The following GPATCH2 variants were observed in gnomAD, a reference collection of about 807,000 sequenced individuals.
GPATCH2 encodes G patch domain-containing protein 2.
GPATCH2 carries 51 observed loss-of-function variants against 58.0 expected under a neutral mutation model. The ratio of observed to expected loss-of-function variants is 0.88; its 90% confidence interval spans 0.70 to 1.11. The LOEUF (loss-of-function observed/expected upper bound fraction) is 1.11, where lower values mean the gene tolerates loss of function less well. GPATCH2 is among the 50% of genes most tolerant of loss of function. The pLI, the probability that GPATCH2 is intolerant of heterozygous loss-of-function variation, is 0.00. For synonymous variants in GPATCH2, 222 were observed against 218.5 expected, an observed-to-expected ratio of 1.02 and a Z score of -0.14; for missense variants, 625 against 652.2, an observed-to-expected ratio of 0.96 and a Z score of 0.45.
chr1:217,466,933 G>C (rs1028573080), intron 8 of GPATCH2, among the ~76,000 whole-genome samples: 1 of 152,184 alleles, frequency 6.6e-6, no homozygotes, highest in Non-Finnish European at 1.5e-5. Context: ...AGCACTTTGC[G>C]AGGCTGAGGC....
At chr1:217,546,420 C>G (rs1305250427) in intron 5 of GPATCH2, among the ~76,000 whole-genome samples, 2 of 152,090 alleles carry the variant, frequency 1.3e-5, no homozygotes, top group African/African-American at 2.4e-5. Context: ...GACACATAGG[C>G]CAATGGAATA....
At chr1:217,558,930 G>A (rs1320229038) in intron 5 of GPATCH2, among the ~76,000 whole-genome samples, 4 of 151,906 alleles carry the variant, frequency 2.6e-5, no homozygotes, top group Non-Finnish European at 2.9e-5. Context: ...AAATCAAGTG[G>A]GTCTACCATA....
intron 8 of GPATCH2, among the ~76,000 whole-genome samples, chr1:217,466,497 T>C (rs952900616): frequency 1.3e-5 from 2 of 152,072 alleles, no homozygotes; most frequent in Non-Finnish European, 2.9e-5. Flanking sequence ...AGTGCCGGGA[T>C]TACAGTCATG....
At chr1:217,462,512 AC>A (rs200153481) in intron 8 of GPATCH2, among the ~76,000 whole-genome samples, 1,923 of 152,118 alleles carry the variant, frequency 0.013, 39 homozygotes, top group African/African-American at 0.043. Context: ...AGACTAAAAA[AC>A]AAAAAAAAGA....
At chr1:217,498,173 A>G (rs1662103675) in intron 7 of GPATCH2, 183 bp downstream of exon 7, 1 of 703,596 alleles carries the variant, frequency 1.4e-6, no homozygotes, top group South Asian at 1.6e-5. Flanking sequence ...GAAAACTCTC[A>G]TGCTGATTAA....
At chr1:217,523,032 T>A (rs1333568058) in intron 5 of GPATCH2, among the ~76,000 whole-genome samples, 4 of 151,826 alleles carry the variant, frequency 2.6e-5, no homozygotes, top group African/African-American at 4.9e-5. Flanking sequence ...ATTAAAAAAA[T>A]TTCTATATTA....
At chr1:217,614,690 T>G (rs146144711) in intron 2 of GPATCH2, among the ~76,000 whole-genome samples, 228 of 150,712 alleles carry the variant, frequency 1.5e-3, no homozygotes, top group African/African-American at 5.0e-3. Flanking sequence ...ACTTAAGAAT[T>G]CACAACAACT....
intron 7 of GPATCH2, among the ~76,000 whole-genome samples, chr1:217,494,715 G>C (rs1005805044): frequency 1.3e-5 from 2 of 151,836 alleles, no homozygotes; most frequent in Non-Finnish European, 2.9e-5. Context: ...CTGCACTCCA[G>C]CCTGGATGAA....
chr1:217,540,478 T>C (rs1328856519), intron 5 of GPATCH2, among the ~76,000 whole-genome samples: 4 of 152,232 alleles, frequency 2.6e-5, no homozygotes, highest in African/African-American at 9.6e-5. Context: ...ATAGCAGTAA[T>C]AAACAATAGT....
chr1:217,580,403 A>T (rs1414292199), intron 5 of GPATCH2, among the ~76,000 whole-genome samples: 1 of 152,186 alleles, frequency 6.6e-6, no homozygotes, highest in Non-Finnish European at 1.5e-5. Context: ...TTCAACTTAC[A>T]AATCAATAAA....
intron 2 of GPATCH2, among the ~76,000 whole-genome samples, chr1:217,618,223 T>C (rs1271066964): frequency 3.0e-5 from 2 of 66,018 alleles, no homozygotes; most frequent in African/African-American, 9.8e-5. Context: ...TCTGGAAACT[T>C]TTTTTTTTTT....
intron 8 of GPATCH2, among the ~76,000 whole-genome samples, chr1:217,452,284 G>A (rs1659703264): frequency 6.6e-6 from 1 of 152,176 alleles, no homozygotes; most frequent in African/African-American, 2.4e-5. Flanking sequence ...CTTCTTGGTT[G>A]TACAAATATT....
intron 5 of GPATCH2, among the ~76,000 whole-genome samples, chr1:217,556,015 A>G (rs894985940): frequency 6.6e-6 from 1 of 152,200 alleles, no homozygotes; most frequent in African/African-American, 2.4e-5. Flanking sequence ...CTCTTTCTTA[A>G]TACTGAAAAG....
intron 7 of GPATCH2, among the ~76,000 whole-genome samples, chr1:217,493,551 G>A (rs1289119553): frequency 2.6e-5 from 4 of 152,056 alleles, no homozygotes; most frequent in Non-Finnish European, 5.9e-5. Context: ...AAAGGAACAG[G>A]AAGTGAGATC....
chr1:217,589,083 C>G (rs940724770), intron 5 of GPATCH2, among the ~76,000 whole-genome samples: 2 of 152,144 alleles, frequency 1.3e-5, no homozygotes, highest in Non-Finnish European at 2.9e-5. Context: ...TGGGGCCGAT[C>G]ATTTCAACAT....
rs752015435 is a variant in GPATCH2, at chr1:217,620,203, T to A, written c.353A>T (p.Asp118Val). 6.2e-7 allele frequency: 1 copy of A among 1,614,118 alleles called. No homozygotes were observed. The highest frequency in any genetic ancestry group is 8.5e-7 in the Non-Finnish European group (1 of 1,179,970). ...NNNKKDHSDS[D>V]DQMLVAKRRP... ...GCGCTTTGCTACTAACATTTGGTCATCAGAGTCACTGTGATCTTTTTTATT... is the reference window on the plus strand; with the variant it reads ...GCGCTTTGCTACTAACATTTGGTCAACAGAGTCACTGTGATCTTTTTTATT... Residue 118 changes from aspartate to valine, a missense_variant, in exon 2 of 10, where the codon GAT becomes GTT. Transcript: ENST00000366935.
At chr1:217,570,398 C>A (rs1666477840) in intron 5 of GPATCH2, among the ~76,000 whole-genome samples, 1 of 152,180 alleles carries the variant, frequency 6.6e-6, no homozygotes, top group Non-Finnish European at 1.5e-5. Context: ...CAGGCCTGAG[C>A]CACCACACCT....
In GPATCH2 at chr1:217,611,783, T is replaced by A. The variant is rs1166122932; in HGVS notation, c.836-712A>T. On this transcript the variant is annotated intron_variant, in intron 3 of 9. Transcript: ENST00000366935. ...TTTTAAATGAAAAGTGACAATACCT[T>A]AGAGTTTATGAAGAAACTATATTAA... 4.6e-5 allele frequency among the ~76,000 whole-genome samples: 7 copies of A among 152,162 alleles called. 1 individual carries two copies. The highest frequency in any genetic ancestry group is 8.8e-5 in the Non-Finnish European group (6 of 68,008).
At chr1:217,628,436 T>C (rs1438128297) in intron 1 of GPATCH2, among the ~76,000 whole-genome samples, 1 of 152,040 alleles carries the variant, frequency 6.6e-6, no homozygotes, top group Non-Finnish European at 1.5e-5. Flanking sequence ...TCATACTGTT[T>C]ATTGCTTTGA....
Sources: allele counts gnomAD v4.1 joint callset (sites outside exome capture counted in the v4.1 genomes callset), GRCh38; gene constraint gnomAD v4.1.1; transcripts MANE v1.5; gene names NCBI Gene and HGNC (gene_info 2026-07-23, HGNC 2026-07-21).